SPNS2: variants seen among roughly 807,000 people sequenced by gnomAD.
SPNS2 encodes sphingosine-1-phosphate transporter SPNS2.
A neutral mutation model predicts 57.6 loss-of-function variants in SPNS2; 37 were observed. The ratio of observed to expected loss-of-function variants is 0.64; its 90% CI spans 0.49 to 0.85. The LOEUF is 0.85. Among genes scored for constraint, SPNS2 ranks in the 40% least tolerant of loss-of-function variants. The probability of loss-of-function intolerance (pLI) is 0.00; values close to 1 mark genes in which losing one functional copy is unlikely to be tolerated. For synonymous variants in SPNS2, 440 were observed against 346.9 expected (o/e 1.27, Z -2.98); for missense variants, 831 against 779.1 (o/e 1.07, Z -0.79).
rs1457610334 is a variant in SPNS2 at position 4,510,192 on chromosome 17, T to C, written c.371-3055T>C. Among the ~76,000 whole-genome samples, 2 of 152,232 alleles carry C rather than the reference T, an allele frequency of 1.3e-5. No individual in the cohort carries two copies. Among genetic ancestry groups the C allele is most frequent in the African/African-American group, 2.4e-5 (1 of 41,462 alleles). ...AGAAAGGTTCAGCCCAGGTCCGACCTTGGGCCTCGCAGCCTGCAGGAAGCC... is the reference window on the plus strand; with the variant it reads ...AGAAAGGTTCAGCCCAGGTCCGACCCTGGGCCTCGCAGCCTGCAGGAAGCC... On this transcript the variant is annotated intron_variant, in intron 1 of 12. Transcript: ENST00000329078. The surrounding 1 kb of genome is among the most constrained non-coding windows in gnomAD (Gnocchi z 4.4).
At chr17:4,536,041 T>G in intron 9 of SPNS2, 35 bp from the exon 10 acceptor site, 1 of 1,591,040 alleles carries the variant, frequency 6.3e-7, no homozygotes, top group Non-Finnish European at 8.6e-7. Flanking sequence ...TGAGCCTTTC[T>G]CCTCTGGCCG....
Position 4,507,331 on chromosome 17 carries a change from A to C in SPNS2, c.371-5916A>C, listed in dbSNP as rs559567521. On this transcript the variant is annotated intron_variant, in intron 1 of 12. Coordinates refer to ENST00000329078, the MANE Select transcript of SPNS2 (RefSeq NM_001124758.3). ...CCTGTCTTTCCAGGCATCTGCCCCC[A>C]TTTTGGATAAAAGAAAACCAAGGTG... Among the ~76,000 whole-genome samples, 65 of 152,310 alleles carry C rather than the reference A, an allele frequency of 4.3e-4. 2 individuals are homozygous for C. The South Asian group carries it at 8.9e-3, about 21-fold the overall frequency.
rs1217470432 is a variant in SPNS2 at position 4,536,297 on chromosome 17, C to A, written c.1478C>A (p.Ser493Tyr). 6.2e-7 allele frequency: 1 copy of A among 1,612,656 alleles called. No individual in the cohort carries two copies. The highest frequency in any genetic ancestry group is 8.5e-7 in the Non-Finnish European group (1 of 1,179,964). The change falls in exon 11 of 13, where the codon TCC (serine) becomes TAC (tyrosine). Residue 493 changes from serine to tyrosine, a missense_variant. Physicochemically the swap from Ser to Tyr is moderately radical, Grantham distance 144. Around this residue, in one of 2 missense-constraint regions of SPNS2, gnomAD observed 526 missense variants for 400.9 expected, o/e 1.31. Transcript: ENST00000329078. Reference protein sequence around the residue: ...SDLIRQSTKDSPLWEFLSLGY... With the variant: ...SDLIRQSTKDYPLWEFLSLGY... ...CTGATCCGCCAGAGCACTAAGGACT[C>A]CCCGCTCTGGGAGTTCCTGAGCCTG...
rs377293533 is a variant in SPNS2, at chr17:4,536,387, C to T, written c.1568C>T (p.Ala523Val). The change falls in exon 11 of 13, where the codon GCG becomes GTG. Residue 523 changes from alanine to valine, a missense_variant. This residue lies in a region of SPNS2 where 526 missense variants were observed against 400.9 expected (regional missense o/e 1.31). Coordinates refer to ENST00000329078, the MANE Select transcript of SPNS2 (RefSeq NM_001124758.3). ...VLGGMFFLATALFFVSDRARA... is the reference protein window; with the variant it reads ...VLGGMFFLATVLFFVSDRARA... Reference sequence around the variant, plus strand: ...GGCGGCATGTTCTTCCTCGCCACTGCGCTCTTCTTCGTCAGCGACCGCGCC... The same window carrying T: ...GGCGGCATGTTCTTCCTCGCCACTGTGCTCTTCTTCGTCAGCGACCGCGCC... 74 of 1,607,100 alleles carry T rather than the reference C, an allele frequency of 4.6e-5. 1 individual carries two copies. The highest frequency in any genetic ancestry group is 2.0e-4 in the East Asian group (9 of 44,852).
At chr17:4,536,016 C>A in intron 9 of SPNS2, 60 bp from the exon 10 acceptor site, 2 of 1,480,046 alleles carry the variant, frequency 1.4e-6, no homozygotes, top group Non-Finnish European at 1.9e-6. Context: ...CGGCCCGGGG[C>A]CAGGGCCAAG....
rs779414794 is a variant in SPNS2, at chr17:4,536,914, C to G, written c.1622C>G (p.Ala541Gly). 4 of 1,613,308 alleles carry G rather than the reference C, an allele frequency of 2.5e-6. No homozygotes were observed. The highest frequency in any genetic ancestry group is 2.5e-6 in the Non-Finnish European group (3 of 1,179,622). ...ARAEQQVNQL[A>G]MPPASVKV Reference sequence around the variant, plus strand: ...CTCTCCCCCAGGGTGAACCAGCTGGCGATGCCGCCCGCATCTGTGAAAGTC... The same window carrying G: ...CTCTCCCCCAGGGTGAACCAGCTGGGGATGCCGCCCGCATCTGTGAAAGTC... The change falls in exon 12 of 13, where the codon GCG becomes GGG. Residue 541 changes from alanine to glycine, a missense_variant. Coordinates refer to ENST00000329078, the MANE Select transcript of SPNS2 (RefSeq NM_001124758.3).
In SPNS2 at chr17:4,532,710, T is replaced by C. The variant is rs9892232; in HGVS notation, c.935+26T>C. 1 allele frequency: 1,607,623 copies of C among 1,610,168 alleles called. 802,574 individuals are homozygous for C. Among genetic ancestry groups the C allele is most frequent in the East Asian group, 1 (44,822 of 44,824 alleles). ...GTGAGTACCGCGGGAAGGGGTCTGG[T>C]GGGAAGAGAGAGGGGTGCTGAGATG... On this transcript the variant is annotated intron_variant, in intron 6 of 12. Transcript: ENST00000329078.
rs1310944911 is a variant in SPNS2 at position 4,538,308 on chromosome 17, C to T, written c.*860C>T. 2 of 185,588 alleles carry T rather than the reference C, an allele frequency of 1.1e-5. No individual in the cohort carries two copies. Among genetic ancestry groups the T allele is most frequent in the African/African-American group, 2.4e-5 (1 of 42,064 alleles). The allele number at this position is 185,588 out of a possible 1,614,324, so 11.5% of individuals were successfully genotyped here. A position where few individuals can be genotyped will look rare whatever the true frequency, so the allele number is the denominator to read the frequency against. On this transcript the variant is annotated 3_prime_UTR_variant, in exon 13 of 13. Transcript: ENST00000329078. The stretch of plus-strand genomic sequence containing the variant: ...AGCTGAGCCTTTTCCAGGGGCAGGG[C>T]CCAGGAGACCATTCCCAGAATCCAT...
At chr17:4,518,679 G>A (rs574453558) in intron 2 of SPNS2, among the ~76,000 whole-genome samples, 2 of 152,322 alleles carry the variant, frequency 1.3e-5, no homozygotes, top group South Asian at 4.1e-4. Flanking sequence ...ATGGGGGAAC[G>A]GAGGGAGAGT....
In SPNS2 at chr17:4,536,256, C is replaced by T. The variant is rs866618365; in HGVS notation, c.1444-7C>T. On this transcript the variant is annotated splice_region_variant and splice_polypyrimidine_tract_variant and intron_variant, in intron 10 of 12. Coordinates refer to ENST00000329078, the MANE Select transcript of SPNS2 (RefSeq NM_001124758.3). Reference sequence around the variant, plus strand: ...CTGCCCTGACATCCACCCCCAAATCCTCGCAGATCTCAGACCTGATCCGCC... The same window carrying T: ...CTGCCCTGACATCCACCCCCAAATCTTCGCAGATCTCAGACCTGATCCGCC... 5 of 1,611,266 alleles carry T rather than the reference C, an allele frequency of 3.1e-6. No individual in the cohort carries two copies. The highest frequency in any genetic ancestry group is 2.2e-5 in the South Asian group (2 of 91,038).
At chr17:4,506,403 G>C (rs1425898504) in intron 1 of SPNS2, among the ~76,000 whole-genome samples, 1 of 152,198 alleles carries the variant, frequency 6.6e-6, no homozygotes, top group African/African-American at 2.4e-5. Context: ...GTCACGATAA[G>C]GCTGTGGCCA....
At chr17:4,504,025 T>C (rs1190646819) in intron 1 of SPNS2, among the ~76,000 whole-genome samples, 2 of 146,594 alleles carry the variant, frequency 1.4e-5, no homozygotes, top group African/African-American at 5.1e-5. Flanking sequence ...CTATCCAGAA[T>C]TGAAAGATGG....
intron 1 of SPNS2, among the ~76,000 whole-genome samples, chr17:4,502,334 C>T (rs915503189): frequency 2.4e-4 from 36 of 150,988 alleles, no homozygotes; most frequent in African/African-American, 8.3e-4. Flanking sequence ...GAGCCAAGAT[C>T]GCGCCACTGT....
intron 2 of SPNS2, among the ~76,000 whole-genome samples, chr17:4,519,740 A>AG (rs1217792869): frequency 6.6e-6 from 1 of 152,150 alleles, no homozygotes; most frequent in Non-Finnish European, 1.5e-5. Flanking sequence ...GGTGGTGGGC[A>AG]GGGGAAGCTT....
Position 4,537,453 on chromosome 17 carries a change from G to A in SPNS2, c.*5G>A, listed in dbSNP as rs907758369. Reference sequence around the variant, plus strand: ...GCTGACCTGACACCCCTTTCCCCAGGTGCCATTGGGACAATGAAGAACCCA... The same window carrying A: ...GCTGACCTGACACCCCTTTCCCCAGATGCCATTGGGACAATGAAGAACCCA... On this transcript the variant is annotated splice_region_variant and 3_prime_UTR_variant, in exon 13 of 13. Transcript: ENST00000329078. 1.6e-5 allele frequency: 7 copies of A among 449,698 alleles called. No homozygotes were observed. The highest frequency in any genetic ancestry group is 4.0e-5 in the African/African-American group (2 of 49,958). 27.9% of individuals were successfully genotyped at this position (449,698 alleles called of 1,614,324 possible).
chr17:4,529,654 G>T lies in SPNS2; in HGVS notation c.574-978G>T, dbSNP rs568980431. On this transcript the variant is annotated intron_variant, in intron 3 of 12. Transcript: ENST00000329078. ...CCACTGCACTCCAGCCTGAGTGACAGAGGAAGACTCCATCTGAAAAAAGAA... is the reference window on the plus strand; with the variant it reads ...CCACTGCACTCCAGCCTGAGTGACATAGGAAGACTCCATCTGAAAAAAGAA... Among the ~76,000 whole-genome samples the T allele has an allele frequency of 2.6e-5, 4 of 151,762 alleles. No individual in the cohort carries two copies. The East Asian group carries it at 5.8e-4, about 22-fold the overall frequency.
rs1221858046 is a variant in SPNS2 at position 4,512,662 on chromosome 17, A to T, written c.371-585A>T. On this transcript the variant is annotated intron_variant, in intron 1 of 12. Coordinates refer to ENST00000329078, the MANE Select transcript of SPNS2 (RefSeq NM_001124758.3). This position sits in a 1 kb window ranked among gnomAD's most constrained non-coding sequence, Gnocchi z 5.2. ...TGTGTGTGCGTGCGCGCGCACGGGT[A>T]TGTGTGTGCGCGCGTGGGTGTGTAT... 6.9e-6 allele frequency among the ~76,000 whole-genome samples: 1 copy of T among 144,514 alleles called. No homozygotes were observed. Among genetic ancestry groups the T allele is most frequent in the African/African-American group, 2.7e-5 (1 of 37,602 alleles). 94.8% of individuals were successfully genotyped at this position (144,514 alleles called of 152,430 possible). A position where few individuals can be genotyped will look rare whatever the true frequency, so the allele number is the denominator to read the frequency against.
intron 3 of SPNS2, among the ~76,000 whole-genome samples, chr17:4,525,848 A>G (rs1905251120): frequency 6.6e-6 from 1 of 152,192 alleles, no homozygotes; most frequent in African/African-American, 2.4e-5. Context: ...AGACCCTGGA[A>G]CACGGCGAGT....
chr17:4,524,374 A>G (rs1191445355), intron 2 of SPNS2, among the ~76,000 whole-genome samples: 1 of 152,208 alleles, frequency 6.6e-6, no homozygotes, highest in Non-Finnish European at 1.5e-5. Flanking sequence ...TACGTAATAC[A>G]TGAGATACAA....
Sources: allele counts gnomAD v4.1 joint callset (sites outside exome capture counted in the v4.1 genomes callset), GRCh38; gene constraint gnomAD v4.1.1; regional missense constraint gnomAD v4.1.1; non-coding constraint Gnocchi (gnomAD v3.1); transcripts MANE v1.5; gene names NCBI Gene and HGNC (gene_info 2026-07-23, HGNC 2026-07-21).